PPAT: variants seen among roughly 807,000 people sequenced by gnomAD.
PPAT encodes the protein amidophosphoribosyltransferase.
In PPAT, 20 loss-of-function variants were observed where a neutral mutation model predicts 60.2. The ratio of observed to expected loss-of-function variants is 0.33; its 90% CI spans 0.23 to 0.48. The LOEUF (loss-of-function observed/expected upper bound fraction) is 0.48. Ranked by LOEUF, PPAT falls within the 20% of genes least tolerant of loss-of-function variation. PPAT has a pLI of 0.99. For synonymous variants in PPAT, 194 were observed against 215.1 expected (o/e 0.90, Z 0.86); for missense variants, 349 against 629.6 (o/e 0.55, Z 4.77).
intron 1 of PPAT, among the ~76,000 whole-genome samples, chr4:56,432,801 A>C (rs1232089201): frequency 1.4e-5 from 2 of 147,784 alleles, no homozygotes; most frequent in Non-Finnish European, 3.0e-5. Flanking sequence ...AAAAAAAAAA[A>C]AATCAAGAAG....
intron 1 of PPAT, 105 bp downstream of exon 1, chr4:56,435,245 G>T: frequency 6.6e-7 from 1 of 1,525,546 alleles, no homozygotes; most frequent in South Asian, 1.2e-5. Context: ...AGGTCGGAGA[G>T]GTCGGTCCTC....
chr4:56,405,522 C>T (rs969066197), intron 3 of PPAT, among the ~76,000 whole-genome samples: 2 of 152,142 alleles, frequency 1.3e-5, no homozygotes, highest in African/African-American at 4.8e-5. Context: ...ATCCCTGGAC[C>T]CCCAGGGAAG....
rs997480092 is a variant in PPAT, at chr4:56,395,317, T to A, written c.*35A>T. 4 of 1,547,924 alleles carry A rather than the reference T, an allele frequency of 2.6e-6. No homozygotes were observed. The African/African-American group carries it at 5.6e-5, about 22-fold the overall frequency. On this transcript the variant is annotated 3_prime_UTR_variant, in exon 11 of 11. Coordinates refer to ENST00000264220, the MANE Select transcript of PPAT (RefSeq NM_002703.5). ...ACCACTATAACTTCTTGACCAACTT[T>A]CTATCTTGAAACTACACACATCCAA... is the stretch of plus-strand genomic sequence containing the variant.
chr4:56,426,809 C>T (rs961754744), intron 1 of PPAT, among the ~76,000 whole-genome samples: 4 of 152,266 alleles, frequency 2.6e-5, no homozygotes, highest in South Asian at 2.1e-4. Flanking sequence ...AGTACGTTCA[C>T]GTTGTTGTGC....
At chr4:56,414,424 C>A (rs957385075) in intron 1 of PPAT, 8 of 152,266 alleles carry the variant, frequency 5.3e-5, no homozygotes, top group African/African-American at 1.7e-4. Context: ...TCTGCTAAAT[C>A]TCATCATCCT....
In PPAT at chr4:56,402,099, TA is replaced by T; in HGVS notation, c.734+9del. On this transcript the variant is annotated intron_variant, in intron 6 of 10. Coordinates refer to ENST00000264220, the MANE Select transcript of PPAT (RefSeq NM_002703.5). ...GGAAAATAAAATATGTCAAACAAGG[TA>T]AAACTTACCTTGCACCAATAGATAA... The T allele has an allele frequency of 3.2e-6, 5 of 1,553,772 alleles. No individual in the cohort carries two copies. The highest frequency in any genetic ancestry group is 1.2e-5 in the South Asian group (1 of 83,044).
At chr4:56,419,586 A>C in intron 1 of PPAT, 1 of 771,618 alleles carries the variant, frequency 1.3e-6, no homozygotes, top group Non-Finnish European at 1.6e-6. Context: ...TATAATGCAT[A>C]TATCTTTTAC....
At chr4:56,415,926 C>T (rs1048859955) in intron 1 of PPAT, among the ~76,000 whole-genome samples, 2 of 151,934 alleles carry the variant, frequency 1.3e-5, no homozygotes, top group African/African-American at 2.4e-5. Flanking sequence ...AAAAATTAGC[C>T]GGGCGTGGTG....
intron 1 of PPAT, chr4:56,425,518 T>C: frequency 4.4e-6 from 1 of 229,118 alleles, no homozygotes; most frequent in Non-Finnish European, 7.2e-6. Context: ...TTTTCTAATT[T>C]GTACTGTTGG....
At chr4:56,410,915 A>AG (rs1716428002) in intron 1 of PPAT, 1 of 978,820 alleles carries the variant, frequency 1.0e-6, no homozygotes, top group African/African-American at 1.8e-5. Context: ...AAAAAAAAAA[A>AG]AAAAAAAAAA....
intron 1 of PPAT, 148 bp from the exon 2 acceptor site, chr4:56,407,864 ATGATGC>A (rs1716287220): frequency 9.5e-6 from 6 of 629,828 alleles, no homozygotes; most frequent in East Asian, 2.7e-5. Context: ...ACTTCTATTG[ATGATGC>A]TGATGCTGAT....
intron 1 of PPAT, among the ~76,000 whole-genome samples, chr4:56,426,550 G>GT (rs1192365737): frequency 6.6e-6 from 1 of 152,092 alleles, no homozygotes; most frequent in African/African-American, 2.4e-5. Flanking sequence ...ATACATTTTT[G>GT]TGTCTGGCTT....
At chr4:56,421,308 T>A (rs893108057) in intron 1 of PPAT, 1 of 156,432 alleles carries the variant, frequency 6.4e-6, no homozygotes, top group Non-Finnish European at 1.4e-5. Flanking sequence ...TCCCACTGAT[T>A]CTAGATTATG....
chr4:56,424,593 T>G (rs1474283737), intron 1 of PPAT, among the ~76,000 whole-genome samples: 1 of 152,184 alleles, frequency 6.6e-6, no homozygotes, highest in Non-Finnish European at 1.5e-5. Flanking sequence ...AAGTGGCCCA[T>G]GAAAATTGAA....
rs201692437 is a variant in PPAT at position 56,401,337 on chromosome 4, C to T, written c.879G>A (p.Met293Ile). The T allele has an allele frequency of 1.4e-4, 224 of 1,575,512 alleles. No individual in the cohort carries two copies. The highest frequency in any genetic ancestry group is 1.1e-3 in the Middle Eastern group (5 of 4,430). ...GAAAAGAAATCTACTTACCTTCGAA[C>T]ATACTGTCTGGTCTTGCAAAATAAA... is the stretch of plus-strand genomic sequence containing the variant. ...EYVYFARPDS[M>I]FEDQMVYTVR... Residue 293 changes from methionine (M) to isoleucine (I), a missense_variant, in exon 7 of 11, where the codon ATG becomes ATA. Physicochemically the swap from Met to Ile is conservative, Grantham distance 10. Coordinates refer to ENST00000264220, the MANE Select transcript of PPAT (RefSeq NM_002703.5).
intron 5 of PPAT, 89 bp from the exon 6 acceptor site, chr4:56,402,270 A>C: frequency 1.1e-6 from 1 of 918,468 alleles, no homozygotes; most frequent in South Asian, 1.7e-5. Context: ...TAAATAAGTA[A>C]ATAAAACTCA....
chr4:56,408,958 G>A (rs982869130), intron 1 of PPAT, among the ~76,000 whole-genome samples: 1 of 152,046 alleles, frequency 6.6e-6, no homozygotes, highest in Admixed American at 6.6e-5. Context: ...AAACTCCTCT[G>A]TCTGCCTATA....
intron 8 of PPAT, 197 bp downstream of exon 8, chr4:56,400,587 C>G: frequency 1.9e-6 from 1 of 515,486 alleles, no homozygotes; most frequent in Non-Finnish European, 3.2e-6. Context: ...TTTCAGTGAA[C>G]CTTTTAGTGG....
At position 56,406,715 on chromosome 4, in the gene PPAT, A is replaced by T. The variant is rs755436930; in HGVS notation, c.196-14T>A. The stretch of plus-strand genomic sequence containing the variant: ...AAGACCCATTCCCTTGAGAAATCAA[A>T]AAGTGCAACTTAGAAAAAAACAGAC... On this transcript the variant is annotated splice_polypyrimidine_tract_variant and intron_variant, in intron 2 of 10. Transcript: ENST00000264220. 1 of 1,584,262 alleles carries T rather than the reference A, an allele frequency of 6.3e-7. No homozygotes were observed. The highest frequency in any genetic ancestry group is 1.1e-5 in the South Asian group (1 of 89,994).
Sources: allele counts gnomAD v4.1 joint callset (sites outside exome capture counted in the v4.1 genomes callset), GRCh38; gene constraint gnomAD v4.1.1; transcripts MANE v1.5; gene names NCBI Gene and HGNC (gene_info 2026-07-23, HGNC 2026-07-21).